AZIN2: variants seen among roughly 807,000 people sequenced by gnomAD.
AZIN2 encodes ODC antizyme inhibitor-2.
In AZIN2, 28 loss-of-function variants were observed where a neutral mutation model predicts 47.8. The ratio of observed to expected loss-of-function variants is 0.59; its 90% CI spans 0.43 to 0.80. AZIN2 has a LOEUF of 0.80. Among genes scored for constraint, AZIN2 ranks in the 30% least tolerant of loss-of-function variants. The probability of loss-of-function intolerance (pLI) is 0.00; values close to 1 mark genes in which losing one functional copy is unlikely to be tolerated. For missense variants in AZIN2, 535 were observed against 582.5 expected (o/e 0.92, Z 0.84); for synonymous variants, 221 against 239.4 (o/e 0.92, Z 0.71).
Position 33,118,042 on chromosome 1 carries a change from C to T in AZIN2, c.1170C>T (p.Tyr390=), listed in dbSNP as rs768304574. The change falls in exon 11 of 12, where the codon TAC becomes TAT. Residue 390 remains tyrosine (Y), a synonymous_variant. Transcript: ENST00000294517. ...TGGTCTTTGACAACATGGGCGCCTA[C>T]ACTGTGGGCATGGGTTCCCCCTTTT... The part of the protein sequence containing the change: ...DWLVFDNMGA[Y]TVGMGSPFWG... 2.3e-4 allele frequency: 358 copies of T among 1,552,958 alleles called. No individual in the cohort carries two copies. The highest frequency in any genetic ancestry group is 4.2e-4 in the Admixed American group (21 of 50,174).
intron 10 of AZIN2, chr1:33,101,715 TC>T: frequency 1.6e-6 from 1 of 608,228 alleles, no homozygotes; most frequent in South Asian, 2.2e-5. Flanking sequence ...TATAGGTTTA[TC>T]ACATCTAAAT....
intron 10 of AZIN2, among the ~76,000 whole-genome samples, chr1:33,106,165 C>G (rs1473494144): frequency 6.6e-6 from 1 of 152,090 alleles, no homozygotes; most frequent in African/African-American, 2.4e-5. Flanking sequence ...ATTGGATAAC[C>G]TAGGCAAAAT....
chr1:33,160,284 G>A, the AZIN2 span, among the ~76,000 whole-genome samples: 3 of 152,120 alleles, frequency 2.0e-5, no homozygotes, highest in Non-Finnish European at 4.4e-5. Flanking sequence ...AAGGAGCTGG[G>A]GATAATGCCC....
the AZIN2 span, among the ~76,000 whole-genome samples, chr1:33,155,938 C>T: frequency 1.8e-4 from 28 of 152,234 alleles, no homozygotes; most frequent in Non-Finnish European, 3.4e-4. Context: ...CTCCCATCTC[C>T]GCTGATGATC....
chr1:33,127,191 T>A (rs1427933320), downstream of AZIN2, among the ~76,000 whole-genome samples: 1 of 152,240 alleles, frequency 6.6e-6, no homozygotes, highest in Non-Finnish European at 1.5e-5. Flanking sequence ...TCTGAGCATA[T>A]GAGACTCTCA....
At chr1:33,134,594 C>T in the AZIN2 span, among the ~76,000 whole-genome samples, 27,763 of 152,030 alleles carry the variant, frequency 0.18, 3,015 homozygotes, top group South Asian at 0.29. Flanking sequence ...CCTCCTAATC[C>T]GGTAGTAGGA....
the AZIN2 span, among the ~76,000 whole-genome samples, chr1:33,162,691 A>G: frequency 6.6e-6 from 1 of 151,930 alleles, no homozygotes; most frequent in East Asian, 1.9e-4. Flanking sequence ...GATGGGAGGG[A>G]AAGGGGGGAA....
chr1:33,090,026 G>A (rs1262079757), intron 5 of AZIN2, among the ~76,000 whole-genome samples: 2 of 152,166 alleles, frequency 1.3e-5, no homozygotes, highest in East Asian at 1.9e-4. Context: ...ATCTGAATGG[G>A]TTATTGGCAA....
At chr1:33,119,908 C>A in intron 11 of AZIN2, 136 bp from the exon 12 acceptor site, 3 of 1,223,340 alleles carry the variant, frequency 2.5e-6, no homozygotes, top group Non-Finnish European at 3.4e-6. Flanking sequence ...GAGGGGTCAG[C>A]AGCCTGTCCC....
At position 33,121,693 on chromosome 1, in the gene AZIN2, T is replaced by G. The variant is rs941080502; in HGVS notation, c.*1511T>G. ...ACCCATTAGCAGTCACTCTCCATTT[T>G]TCCCATTCCCCAGTCCCTGATGACA... On this transcript the variant is annotated 3_prime_UTR_variant, in exon 12 of 12. Coordinates refer to ENST00000294517, the MANE Select transcript of AZIN2 (RefSeq NM_052998.4). Among the ~76,000 whole-genome samples, 1 of 152,242 alleles carries G rather than the reference T, an allele frequency of 6.6e-6. No individual in the cohort carries two copies. Among genetic ancestry groups the G allele is most frequent in the Admixed American group, 6.5e-5 (1 of 15,280 alleles).
At chr1:33,135,960 ATTTC>A in the AZIN2 span, among the ~76,000 whole-genome samples, 561 of 136,292 alleles carry the variant, frequency 4.1e-3, 4 homozygotes, top group African/African-American at 0.015. Flanking sequence ...CCGGTAATGT[ATTTC>A]TTTCTTTGGG....
At chr1:33,111,161 G>A (rs1644269876) in intron 10 of AZIN2, among the ~76,000 whole-genome samples, 2 of 152,234 alleles carry the variant, frequency 1.3e-5, no homozygotes, top group Admixed American at 1.3e-4. Context: ...ATGCTACCAT[G>A]TACTTGCTGG....
the AZIN2 span, among the ~76,000 whole-genome samples, chr1:33,149,266 C>T: frequency 6.6e-6 from 1 of 152,324 alleles, no homozygotes; most frequent in East Asian, 1.9e-4. Flanking sequence ...GATTCTCATG[C>T]CTCAGCCTCT....
intron 10 of AZIN2, 95 bp from the exon 11 acceptor site, chr1:33,117,807 T>C: frequency 7.4e-7 from 1 of 1,351,242 alleles, no homozygotes; most frequent in African/African-American, 1.4e-5. Flanking sequence ...CTTTATCCTG[T>C]TGGCTATGGG....
chr1:33,111,494 A>C (rs1336162168), intron 10 of AZIN2, among the ~76,000 whole-genome samples: 1 of 152,246 alleles, frequency 6.6e-6, no homozygotes, highest in African/African-American at 2.4e-5. Context: ...AAAGTAATTA[A>C]AATAGTTTAG....
At chr1:33,118,218 A>G in intron 11 of AZIN2, 102 bp downstream of exon 11, 1 of 1,296,338 alleles carries the variant, frequency 7.7e-7, no homozygotes, top group Non-Finnish European at 1.0e-6. Flanking sequence ...CCAACTTGAC[A>G]AGTAGCTGTT....
At chr1:33,102,867 T>G (rs916363370) in intron 10 of AZIN2, among the ~76,000 whole-genome samples, 5 of 152,204 alleles carry the variant, frequency 3.3e-5, no homozygotes, top group Non-Finnish European at 7.3e-5. Context: ...ACTGAACTCT[T>G]GATTTCCAAC....
intron 11 of AZIN2, 136 bp downstream of exon 11, chr1:33,118,252 T>A (rs917977185): frequency 1.0e-6 from 1 of 981,252 alleles, no homozygotes; most frequent in African/African-American, 1.7e-5. Flanking sequence ...ACGTGAGGGA[T>A]GTGCTTGGCA....
chr1:33,112,931 G>A (rs1644352301), intron 10 of AZIN2, among the ~76,000 whole-genome samples: 1 of 152,078 alleles, frequency 6.6e-6, no homozygotes, highest in Non-Finnish European at 1.5e-5. Flanking sequence ...TTCTAGCTAG[G>A]ACAGTGTAAA....
Sources: gnomAD v4.1 joint callset for allele counts (sites outside exome capture counted in the v4.1 genomes callset) on GRCh38, gnomAD v4.1.1 for gene constraint, MANE v1.5 for transcripts, NCBI Gene and HGNC (gene_info 2026-07-23, HGNC 2026-07-21) for gene names.